Variants in MLLT3 observed in about 807,000 individuals in gnomAD.
MLLT3 encodes the protein protein AF-9.
Under a neutral mutation model 53.2 loss-of-function variants are expected in MLLT3, and 4 were observed. The ratio of observed to expected loss-of-function variants is 0.08; its 90% CI spans 0.04 to 0.17. The LOEUF (loss-of-function observed/expected upper bound fraction) is 0.17, where lower values mean the gene tolerates loss of function less well. Ranked by LOEUF, MLLT3 falls within the 10% of genes least tolerant of loss-of-function variation. MLLT3 has a pLI of 1.00. For synonymous variants in MLLT3, 283 were observed against 230.6 expected (o/e 1.23, Z -2.06); for missense variants, 569 against 684.0 (o/e 0.83, Z 1.87).
At chr9:20,573,476 A>G (rs1819582921) in intron 2 of MLLT3, among the ~76,000 whole-genome samples, 1 of 152,188 alleles carries the variant, frequency 6.6e-6, no homozygotes, top group African/African-American at 2.4e-5. Context: ...CACTGTGGCC[A>G]GCCACGAGGA....
At chr9:20,588,632 G>A (rs1382031919) in intron 2 of MLLT3, among the ~76,000 whole-genome samples, 4 of 152,090 alleles carry the variant, frequency 2.6e-5, no homozygotes, top group South Asian at 4.1e-4. Context: ...CTCATGATTT[G>A]CCTCTCTGTT....
chr9:20,537,149 C>T (rs1452034875), intron 2 of MLLT3, among the ~76,000 whole-genome samples: 1 of 152,146 alleles, frequency 6.6e-6, no homozygotes, highest in Non-Finnish European at 1.5e-5. Flanking sequence ...TTTCTCTTAA[C>T]TACAGATATT....
intron 10 of MLLT3, among the ~76,000 whole-genome samples, chr9:20,352,722 A>C (rs1432409206): frequency 7.2e-5 from 11 of 151,780 alleles, no homozygotes; most frequent in Non-Finnish European, 2.9e-5. Flanking sequence ...AAAAAAAAAA[A>C]AAAAACCCAC....
chr9:20,478,124 G>A (rs1824571118), intron 2 of MLLT3, among the ~76,000 whole-genome samples: 1 of 151,828 alleles, frequency 6.6e-6, no homozygotes, highest in Admixed American at 6.6e-5. Flanking sequence ...CAAGAACTTG[G>A]GTAGATCCTT....
At chr9:20,612,396 T>C (rs1820724688) in intron 2 of MLLT3, among the ~76,000 whole-genome samples, 1 of 152,184 alleles carries the variant, frequency 6.6e-6, no homozygotes, top group Admixed American at 6.5e-5. Flanking sequence ...ATATATTGCC[T>C]TTTGGTTAAG....
At chr9:20,446,038 T>A (rs1425790699) in intron 4 of MLLT3, among the ~76,000 whole-genome samples, 1 of 152,202 alleles carries the variant, frequency 6.6e-6, no homozygotes, top group Non-Finnish European at 1.5e-5. Flanking sequence ...AAAAGATGTT[T>A]ATTAGTCTAC....
chr9:20,381,727 T>C (rs1821913230), intron 5 of MLLT3, among the ~76,000 whole-genome samples: 1 of 151,926 alleles, frequency 6.6e-6, no homozygotes, highest in African/African-American at 2.4e-5. Flanking sequence ...CTCTGTTATT[T>C]TTCTGGTAAG....
intron 2 of MLLT3, among the ~76,000 whole-genome samples, chr9:20,501,473 C>A (rs112831986): frequency 6.6e-6 from 1 of 152,134 alleles, no homozygotes. Flanking sequence ...CACACCCGGC[C>A]GGGCACGGTG....
intron 2 of MLLT3, among the ~76,000 whole-genome samples, chr9:20,586,108 A>C (rs941041907): frequency 8.5e-5 from 13 of 152,118 alleles, no homozygotes; most frequent in African/African-American, 3.1e-4. Context: ...ACTTGCACTC[A>C]GGAGTTTGCG....
intron 2 of MLLT3, among the ~76,000 whole-genome samples, chr9:20,588,089 T>G (rs1342652128): frequency 6.6e-6 from 1 of 152,066 alleles, no homozygotes; most frequent in African/African-American, 2.4e-5. Flanking sequence ...CACCATTTAT[T>G]AAATAGGGAA....
At chr9:20,597,295 T>G (rs965075870) in intron 2 of MLLT3, among the ~76,000 whole-genome samples, 1 of 151,882 alleles carries the variant, frequency 6.6e-6, no homozygotes, top group Non-Finnish European at 1.5e-5. Flanking sequence ...TCTAGGGCCT[T>G]ACAAAGGTGT....
chr9:20,594,726 C>A (rs1330108431), intron 2 of MLLT3, among the ~76,000 whole-genome samples: 1 of 152,142 alleles, frequency 6.6e-6, no homozygotes, highest in Non-Finnish European at 1.5e-5. Flanking sequence ...TGAAAGTGAC[C>A]TTTGGTCATC....
intron 5 of MLLT3, among the ~76,000 whole-genome samples, chr9:20,384,182 G>T: frequency 6.6e-6 from 1 of 151,848 alleles, no homozygotes; most frequent in East Asian, 1.9e-4. Context: ...GTAGTAAAAA[G>T]ACAAAAACAG....
intron 3 of MLLT3, among the ~76,000 whole-genome samples, chr9:20,454,172 C>T (rs1823904262): frequency 6.6e-6 from 1 of 152,030 alleles, no homozygotes; most frequent in African/African-American, 2.4e-5. Context: ...ATAATGACTA[C>T]CCAATGTGCC....
chr9:20,446,588 A>G (rs186811434), intron 4 of MLLT3, among the ~76,000 whole-genome samples: 83 of 152,248 alleles, frequency 5.5e-4, no homozygotes, highest in African/African-American at 1.9e-3. Context: ...GCACTCTCCA[A>G]TTTACCCACC....
At chr9:20,464,394 C>G (rs1317728837) in intron 2 of MLLT3, among the ~76,000 whole-genome samples, 1 of 151,980 alleles carries the variant, frequency 6.6e-6, no homozygotes, top group Non-Finnish European at 1.5e-5. Context: ...GTGGATAGAG[C>G]AATAAACGTA....
intron 2 of MLLT3, among the ~76,000 whole-genome samples, chr9:20,531,366 C>T (rs1470244521): frequency 1.3e-5 from 2 of 151,346 alleles, no homozygotes; most frequent in Non-Finnish European, 3.0e-5. Flanking sequence ...AAACTCCTGA[C>T]CTCAGGCCAT....
At chr9:20,387,457 C>CT (rs1224478064) in intron 5 of MLLT3, among the ~76,000 whole-genome samples, 2 of 152,146 alleles carry the variant, frequency 1.3e-5, no homozygotes, top group African/African-American at 2.4e-5. Context: ...ACAATTTTGG[C>CT]TTTTTTGTTT....
intron 8 of MLLT3, among the ~76,000 whole-genome samples, chr9:20,355,124 A>T (rs981339770): frequency 6.6e-6 from 1 of 150,788 alleles, no homozygotes; most frequent in Non-Finnish European, 1.5e-5. Context: ...AAAACAACAC[A>T]GTTGATGATA....
Sources: allele counts gnomAD v4.1 joint callset (sites outside exome capture counted in the v4.1 genomes callset), GRCh38; gene constraint gnomAD v4.1.1; transcripts MANE v1.5; gene names NCBI Gene and HGNC (gene_info 2026-07-23, HGNC 2026-07-21).